The following NECTIN2 variants were observed in gnomAD, a reference collection of about 807,000 sequenced individuals.
The protein encoded by NECTIN2 is nectin cell adhesion molecule 2.
NECTIN2 carries 23 observed loss-of-function variants against 56.9 expected under a neutral mutation model. The observed-to-expected ratio is 0.40, with a 90% confidence interval of 0.29 to 0.57. The LOEUF is 0.57. Ranked by LOEUF, NECTIN2 falls within the 20% of genes least tolerant of loss-of-function variation. The probability of loss-of-function intolerance (pLI) is 0.38; values close to 1 mark genes in which losing one functional copy is unlikely to be tolerated. For missense variants in NECTIN2, 587 were observed against 718.3 expected, an observed-to-expected ratio of 0.82 and a Z score of 2.09; for synonymous variants, 302 against 313.8, an observed-to-expected ratio of 0.96 and a Z score of 0.40.
chr19:44,855,784 C>T (rs1470773074), intron 1 of NECTIN2, among the ~76,000 whole-genome samples: 5 of 152,176 alleles, frequency 3.3e-5, no homozygotes, highest in Admixed American at 3.3e-4. Context: ...CTACTACATG[C>T]TAGGCCCTGT....
chr19:44,886,125 C>G lies in NECTIN2; in HGVS notation c.1261-8C>G. 6.2e-7 allele frequency: 1 copy of G among 1,609,554 alleles called. No individual in the cohort carries two copies. The highest frequency in any genetic ancestry group is 8.5e-7 in the Non-Finnish European group (1 of 1,176,130). On this transcript the variant is annotated splice_region_variant and splice_polypyrimidine_tract_variant and intron_variant, in intron 7 of 8. Transcript: ENST00000252483. Reference sequence around the variant, plus strand: ...GTTCCTGACCTCCCCGCCCCTCTCCCACTACAGCCCTCCCAGCTCTTCACT... The same window carrying G: ...GTTCCTGACCTCCCCGCCCCTCTCCGACTACAGCCCTCCCAGCTCTTCACT...
At position 44,846,642 on chromosome 19, in the gene NECTIN2, C is replaced by T. The variant is rs529283376; in HGVS notation, c.88+29C>T. 8.0e-5 allele frequency: 122 copies of T among 1,519,542 alleles called. 1 individual carries two copies. In the Middle Eastern group the frequency reaches 1.0e-3, roughly 13 times the overall value. The allele number at this position is 1,519,542 out of a possible 1,614,324, so 94.1% of individuals were successfully genotyped here. On this transcript the variant is annotated intron_variant, in intron 1 of 8. Transcript: ENST00000252483. ...AGACGAGCGGACGGCCCCCTGCCCT[C>T]GCGCGGACCCCCTCCAACCTTACCT... is the stretch of plus-strand genomic sequence containing the variant.
intron 6 of NECTIN2, among the ~76,000 whole-genome samples, chr19:44,882,948 A>AT (rs1204098934): frequency 1.3e-5 from 2 of 151,398 alleles, no homozygotes; most frequent in Non-Finnish European, 2.9e-5. Flanking sequence ...TGCCCAGCTA[A>AT]TTTTTTGGAT....
rs1194468173 is a variant in NECTIN2 at position 44,888,563 on chromosome 19, G to A, written c.*184G>A. The A allele has an allele frequency of 6.1e-6, 4 of 655,466 alleles. No individual in the cohort carries two copies. The highest frequency in any genetic ancestry group is 1.0e-5 in the Non-Finnish European group (4 of 391,982). The allele number at this position is 655,466 out of a possible 1,614,324, so 40.6% of individuals were successfully genotyped here. ...CCATGAGCCCAGAGAAATTCACCGT[G>A]ATAATGGAATCCTGGCAACCTTATC... On this transcript the variant is annotated 3_prime_UTR_variant, in exon 9 of 9. Coordinates refer to ENST00000252483, the MANE Select transcript of NECTIN2 (RefSeq NM_001042724.2).
chr19:44,881,844 C>T (rs560844171), intron 5 of NECTIN2, among the ~76,000 whole-genome samples: 96 of 152,278 alleles, frequency 6.3e-4, no homozygotes, highest in African/African-American at 1.9e-3. Flanking sequence ...CCACTACCTT[C>T]GGGGACCCCA....
chr19:44,851,487 T>A (rs150903475), intron 1 of NECTIN2, among the ~76,000 whole-genome samples: 12 of 152,136 alleles, frequency 7.9e-5, no homozygotes, highest in African/African-American at 2.9e-4. Context: ...GTTCCATAGG[T>A]CACTCTGCAC....
chr19:44,881,523 C>CAA (rs35949038), intron 5 of NECTIN2, among the ~76,000 whole-genome samples: 22 of 81,696 alleles, frequency 2.7e-4, no homozygotes, highest in African/African-American at 8.5e-4. Flanking sequence ...CAAAAAAATT[C>CAA]AAAAAAAAAA....
intron 1 of NECTIN2, among the ~76,000 whole-genome samples, chr19:44,853,187 G>A (rs745694975): frequency 6.6e-6 from 1 of 151,900 alleles, no homozygotes; most frequent in Non-Finnish European, 1.5e-5. Context: ...TCAGAATGGG[G>A]AACTTACAGC....
Position 44,880,229 on chromosome 19 carries a change from C to T in NECTIN2, c.1043-1982C>T, listed in dbSNP as rs577425827. Among the ~76,000 whole-genome samples the T allele has an allele frequency of 3.8e-3, 569 of 149,404 alleles. 1 individual carries two copies. The highest frequency in any genetic ancestry group is 6.1e-3 in the Non-Finnish European group (408 of 67,396). On this transcript the variant is annotated intron_variant, in intron 5 of 8. Transcript: ENST00000252483. ...GGAGGGCAGGGGCGGGGAATTGGGT[C>T]CGCCTGGCACACAGTGGATCCTTCA... is the stretch of plus-strand genomic sequence containing the variant.
chr19:44,859,489 A>G (rs1372547994), intron 1 of NECTIN2, among the ~76,000 whole-genome samples: 2 of 152,178 alleles, frequency 1.3e-5, no homozygotes, highest in Non-Finnish European at 2.9e-5. Flanking sequence ...TGCCGTGCAC[A>G]GCAGAGGAAG....
rs573786983 is a variant in NECTIN2 at position 44,856,573 on chromosome 19, G to A, written c.89-8698G>A. ...TCTGCAGTTCACACAGGCCCAAATG[G>A]CTTTCCTTGACCCTCATTGAGTGGC... On this transcript the variant is annotated intron_variant, in intron 1 of 8. Coordinates refer to ENST00000252483, the MANE Select transcript of NECTIN2 (RefSeq NM_001042724.2). Among the ~76,000 whole-genome samples, 6 of 152,284 alleles carry A rather than the reference G, an allele frequency of 3.9e-5. No homozygotes were observed. The East Asian group carries it at 1.2e-3, about 29-fold the overall frequency.
chr19:44,854,254 T>C (rs965552161), intron 1 of NECTIN2, among the ~76,000 whole-genome samples: 5 of 152,058 alleles, frequency 3.3e-5, no homozygotes, highest in Non-Finnish European at 7.4e-5. Flanking sequence ...AGCTAATTTT[T>C]GTATATTTAG....
Position 44,888,456 on chromosome 19 carries a change from C to T in NECTIN2, c.*77C>T. On this transcript the variant is annotated 3_prime_UTR_variant, in exon 9 of 9. Coordinates refer to ENST00000252483, the MANE Select transcript of NECTIN2 (RefSeq NM_001042724.2). Reference sequence around the variant, plus strand: ...TTGCCAAGGATCTAGTGCCCCCTGACCTCTGGCCAGGCCACTGTCAGTTAA... The same window carrying T: ...TTGCCAAGGATCTAGTGCCCCCTGATCTCTGGCCAGGCCACTGTCAGTTAA... 1.3e-6 allele frequency: 2 copies of T among 1,485,274 alleles called. No individual in the cohort carries two copies. The highest frequency in any genetic ancestry group is 2.5e-5 in the South Asian group (2 of 78,956). The allele number at this position is 1,485,274 out of a possible 1,614,324, so 92.0% of individuals were successfully genotyped here.
At chr19:44,878,598 C>A (rs1224288223) in intron 5 of NECTIN2, 1 of 1,604,150 alleles carries the variant, frequency 6.2e-7, no homozygotes, top group Non-Finnish European at 8.5e-7. Context: ...TCCCTCATCT[C>A]ACGGCGGGCA....
chr19:44,846,728 G>A (rs1218086299), intron 1 of NECTIN2, 115 bp downstream of exon 1: 1 of 1,162,594 alleles, frequency 8.6e-7, no homozygotes, highest in Non-Finnish European at 1.1e-6. Flanking sequence ...GCCCCCTCTC[G>A]CGTGCCCCCT....
At chr19:44,885,726 C>T (rs748823064) in intron 6 of NECTIN2, among the ~76,000 whole-genome samples, 16 of 152,098 alleles carry the variant, frequency 1.1e-4, no homozygotes, top group Admixed American at 3.3e-4. Context: ...TAGGTATGTC[C>T]GTGTAACAGG....
intron 1 of NECTIN2, among the ~76,000 whole-genome samples, chr19:44,848,954 C>T (rs904937936): frequency 8.5e-5 from 13 of 152,112 alleles, no homozygotes; most frequent in Non-Finnish European, 1.8e-4. Flanking sequence ...TCCGTGTGTC[C>T]ATGTCCGCCA....
intron 5 of NECTIN2, among the ~76,000 whole-genome samples, chr19:44,877,776 C>T (rs1157183729): frequency 1.3e-5 from 2 of 152,320 alleles, no homozygotes; most frequent in African/African-American, 2.4e-5. Context: ...GGCCAGTGAC[C>T]GGGCGGCCAG....
rs1032620128 is a variant in NECTIN2 at position 44,875,001 on chromosome 19, C to T, written c.1042+523C>T. ...GCGCGGCCGGGACTGTTAACAGAGC[C>T]ATGCTTCCTGGGACAGAGAGACCCC... On this transcript the variant is annotated intron_variant, in intron 5 of 8. Coordinates refer to ENST00000252483, the MANE Select transcript of NECTIN2 (RefSeq NM_001042724.2). The surrounding 1 kb of genome is among the most constrained non-coding windows in gnomAD (Gnocchi z 4.2). 6.6e-6 allele frequency among the ~76,000 whole-genome samples: 1 copy of T among 152,162 alleles called. No individual in the cohort carries two copies. The highest frequency in any genetic ancestry group is 1.5e-5 in the Non-Finnish European group (1 of 68,028).
Sources: allele counts gnomAD v4.1 joint callset (sites outside exome capture counted in the v4.1 genomes callset), GRCh38; gene constraint gnomAD v4.1.1; non-coding constraint Gnocchi (gnomAD v3.1); transcripts MANE v1.5; gene names NCBI Gene and HGNC (gene_info 2026-07-23, HGNC 2026-07-21).